FOXRED2: variants seen among roughly 807,000 people sequenced by gnomAD.
FOXRED2 encodes FAD dependent oxidoreductase domain containing 2.
Under a neutral mutation model 52.5 loss-of-function variants are expected in FOXRED2, and 32 were observed. That is an observed-to-expected ratio of 0.61 (90% CI 0.46 to 0.82). The LOEUF is 0.82. Among genes scored for constraint, FOXRED2 ranks in the 40% least tolerant of loss-of-function variants. The pLI, the probability that FOXRED2 is intolerant of heterozygous loss-of-function variation, is 0.00. For missense variants in FOXRED2, 848 were observed against 937.5 expected, an observed-to-expected ratio of 0.90 and a Z score of 1.25; for synonymous variants, 405 against 398.1, an observed-to-expected ratio of 1.02 and a Z score of -0.21.
chr22:36,492,640 G>A (rs1933785631), intron 8 of FOXRED2, among the ~76,000 whole-genome samples: 1 of 152,104 alleles, frequency 6.6e-6, no homozygotes, highest in African/African-American at 2.4e-5. Context: ...AGCCTCCCGA[G>A]TAGGTAGCTG....
intron 2 of FOXRED2, among the ~76,000 whole-genome samples, chr22:36,505,178 G>C (rs1603496716): frequency 6.6e-6 from 1 of 152,180 alleles, no homozygotes; most frequent in African/African-American, 2.4e-5. Flanking sequence ...TCTATCCACT[G>C]AGCAGTAATT....
At chr22:36,504,006 G>C in intron 4 of FOXRED2, 92 bp downstream of exon 4, 3 of 1,363,552 alleles carry the variant, frequency 2.2e-6, no homozygotes, top group Non-Finnish European at 2.0e-6. Context: ...TGAGAGCTCT[G>C]TCGCCAGCCT....
intron 5 of FOXRED2, 149 bp downstream of exon 5, chr22:36,501,092 C>G: frequency 1.2e-6 from 1 of 826,798 alleles, no homozygotes; most frequent in Admixed American, 2.4e-5. Flanking sequence ...CCACAAAAAC[C>G]TGTTGTCACT....
At chr22:36,493,943 T>C (rs1311947681) in intron 7 of FOXRED2, 140 bp from the exon 8 acceptor site, 4 of 690,370 alleles carry the variant, frequency 5.8e-6, no homozygotes, top group Admixed American at 2.8e-5. Context: ...CCTCCTATGC[T>C]GGGCTGTGGT....
At position 36,504,162 on chromosome 22, in the gene FOXRED2, G is replaced by T; in HGVS notation, c.985C>A (p.Arg329Ser). ...CGGATTACCCGGTCATAGGGCACGC[G>T]CATGGCAAAGTTGTCATTGTCGTCC... The part of the protein sequence containing the change: ...PQDDNDNFAM[R>S]VPYDRVIRCL... The change falls in exon 4 of 9, where the codon CGC becomes AGC. Residue 329 changes from arginine to serine, a missense_variant. Coordinates refer to ENST00000397224, the MANE Select transcript of FOXRED2 (RefSeq NM_001102371.2). 2 of 1,614,234 alleles carry T rather than the reference G, an allele frequency of 1.2e-6. No individual in the cohort carries two copies. Among genetic ancestry groups the T allele is most frequent in the Non-Finnish European group, 1.7e-6 (2 of 1,180,032 alleles).
In FOXRED2 at chr22:36,501,457, CTTAT is replaced by C. The variant is rs765217229; in HGVS notation, c.1050-54_1050-51del. The stretch of plus-strand genomic sequence containing the variant: ...GAAAATAGCTGCTATGTAAGAGGCA[CTTAT>C]TTATTTAGTTAGTTTTGAGATGGAG... On this transcript the variant is annotated intron_variant, in intron 4 of 8. Coordinates refer to ENST00000397224, the MANE Select transcript of FOXRED2 (RefSeq NM_001102371.2). The C allele has an allele frequency of 2.7e-5, 42 of 1,577,556 alleles. No individual in the cohort carries two copies. The East Asian group carries it at 4.0e-4, about 15-fold the overall frequency.
At chr22:36,492,626 C>T (rs933703206) in intron 8 of FOXRED2, among the ~76,000 whole-genome samples, 1 of 152,152 alleles carries the variant, frequency 6.6e-6, no homozygotes, top group East Asian at 1.9e-4. Context: ...GATTCTCCTG[C>T]CTCAGCCTCC....
intron 4 of FOXRED2, 64 bp from the exon 5 acceptor site, chr22:36,501,471 T>A: frequency 6.5e-7 from 1 of 1,538,876 alleles, no homozygotes; most frequent in East Asian, 2.3e-5. Flanking sequence ...TTTATTTAGT[T>A]AGTTTTGAGA....
chr22:36,506,586 A>G, intron 1 of FOXRED2, 163 bp from the exon 2 acceptor site: 1 of 641,574 alleles, frequency 1.6e-6, no homozygotes, highest in East Asian at 3.0e-5. Context: ...CACCGTTTCA[A>G]GCTGGGACTT....
chr22:36,506,118 A>G lies in FOXRED2; in HGVS notation c.305T>C (p.Leu102Pro), dbSNP rs1934187078. 1.9e-6 allele frequency: 3 copies of G among 1,614,210 alleles called. No homozygotes were observed. The highest frequency in any genetic ancestry group is 2.5e-6 in the Non-Finnish European group (3 of 1,180,016). The change falls in exon 2 of 9, where the codon CTG (leucine) becomes CCG (proline). Residue 102 changes from leucine (L) to proline (P), a missense_variant. Transcript: ENST00000397224. The part of the protein sequence containing the change: ...EFNLRHDWNS[L>P]LSHDPRLLFR... ...GAGCAGCCGGGGGTCGTGGCTGAGC[A>G]GAGAGTTCCAGTCGTGGCGGAGGTT...
At chr22:36,494,115 T>C (rs1486975785) in intron 7 of FOXRED2, among the ~76,000 whole-genome samples, 7 of 152,184 alleles carry the variant, frequency 4.6e-5, no homozygotes, top group Admixed American at 4.6e-4. Context: ...GGCTGCTTTT[T>C]ATTTTGTATT....
rs780033020 is a variant in FOXRED2 at position 36,501,410 on chromosome 22, G to A, written c.1050-3C>T. On this transcript the variant is annotated splice_polypyrimidine_tract_variant and splice_region_variant and intron_variant, in intron 4 of 8. Transcript: ENST00000397224. ...TTCCCGAGTTAAGTCTGAGGGACCTGTCAGTGGAAAGGGCTGTTCATGAAA... is the reference window on the plus strand; with the variant it reads ...TTCCCGAGTTAAGTCTGAGGGACCTATCAGTGGAAAGGGCTGTTCATGAAA... The A allele has an allele frequency of 6.2e-7, 1 of 1,613,930 alleles. No homozygotes were observed. The highest frequency in any genetic ancestry group is 2.2e-5 in the East Asian group (1 of 44,872).
In FOXRED2 at chr22:36,490,256, G is replaced by C; in HGVS notation, c.1807C>G (p.Leu603Val). 6.2e-7 allele frequency: 1 copy of C among 1,608,460 alleles called. No individual in the cohort carries two copies. The highest frequency in any genetic ancestry group is 8.5e-7 in the Non-Finnish European group (1 of 1,176,462). Reference protein sequence around the residue: ...LRSFYAESCFLFALTRQKLPP... With the variant: ...LRSFYAESCFVFALTRQKLPP... ...AACTTCTGGCGCGTGAGGGCGAACAGGAAGCAGGACTCTACACAAAAGCAA... is the reference window on the plus strand; with the variant it reads ...AACTTCTGGCGCGTGAGGGCGAACACGAAGCAGGACTCTACACAAAAGCAA... The change falls in exon 9 of 9, where the codon CTG becomes GTG. Residue 603 changes from leucine (L) to valine (V), a missense_variant. Leu to Val is a conservative substitution (Grantham distance 32). Transcript: ENST00000397224.
At chr22:36,491,037 C>T (rs536895963) in intron 8 of FOXRED2, among the ~76,000 whole-genome samples, 94 of 152,234 alleles carry the variant, frequency 6.2e-4, no homozygotes, top group African/African-American at 2.3e-3. Context: ...TGACAAACAC[C>T]TGTAATCCCA....
intron 2 of FOXRED2, 50 bp downstream of exon 2, chr22:36,505,846 G>C (rs369892446): frequency 1.9e-6 from 3 of 1,579,832 alleles, no homozygotes; most frequent in African/African-American, 2.7e-5. Context: ...TGTGTGGTTC[G>C]TGTGGGGAAG....
At chr22:36,500,472 ATGTT>A (rs1189823610) in intron 5 of FOXRED2, among the ~76,000 whole-genome samples, 1 of 152,130 alleles carries the variant, frequency 6.6e-6, no homozygotes, top group Non-Finnish European at 1.5e-5. Flanking sequence ...AAATAGAATT[ATGTT>A]TTTAAAAGAT....
rs1274746297 is a variant in FOXRED2, at chr22:36,493,951, G to A, written c.1625-148C>T. ...CCGACAGCCTCCTATGCTGGGCTGT[G>A]GTCAGACTGTTCAAGAGCCACCTGC... On this transcript the variant is annotated intron_variant, in intron 7 of 8. Coordinates refer to ENST00000397224, the MANE Select transcript of FOXRED2 (RefSeq NM_001102371.2). The A allele has an allele frequency of 4.3e-5, 28 of 649,996 alleles. No homozygotes were observed. In the Admixed American group the frequency reaches 8.1e-4, roughly 19 times the overall value. The allele number at this position is 649,996 out of a possible 1,614,324, so 40.3% of individuals were successfully genotyped here. A position where few individuals can be genotyped will look rare whatever the true frequency, so the allele number is the denominator to read the frequency against.
intron 1 of FOXRED2, chr22:36,506,789 C>A: frequency 5.0e-6 from 1 of 198,976 alleles, no homozygotes; most frequent in Admixed American, 5.7e-5. Context: ...TTCCAGAGGC[C>A]TTGGCCCCTC....
chr22:36,496,356 T>C, intron 6 of FOXRED2, 148 bp from the exon 7 acceptor site: 1 of 1,000,364 alleles, frequency 1.0e-6, no homozygotes, highest in Non-Finnish European at 1.4e-6. Context: ...ACATTACTTT[T>C]TCAGCTCAGC....
Sources: allele counts gnomAD v4.1 joint callset (sites outside exome capture counted in the v4.1 genomes callset), GRCh38; gene constraint gnomAD v4.1.1; transcripts MANE v1.5; gene names NCBI Gene and HGNC (gene_info 2026-07-23, HGNC 2026-07-21).